The following UBA6 variants were observed in gnomAD, a reference collection of about 807,000 sequenced individuals.
UBA6 encodes the protein ubiquitin-like modifier-activating enzyme 6.
Under a neutral mutation model 148.3 loss-of-function variants are expected in UBA6, and 87 were observed. That is an observed-to-expected ratio of 0.59 (90% CI 0.49 to 0.70). The LOEUF is 0.70. Ranked by LOEUF, UBA6 falls within the 30% of genes least tolerant of loss-of-function variation. The pLI is 0.00. For missense variants in UBA6, 1,186 were observed against 1,241.2 expected (o/e 0.96, Z 0.67); for synonymous variants, 376 against 401.0 (o/e 0.94, Z 0.75).
intron 13 of UBA6, among the ~76,000 whole-genome samples, chr4:67,652,706 C>T (rs1353675923): frequency 2.6e-5 from 4 of 152,178 alleles, no homozygotes; most frequent in South Asian, 4.1e-4. Context: ...GAGGGCGAGC[C>T]GAAGCAGGGC....
At chr4:67,640,559 C>T (rs1729281123) in intron 18 of UBA6, among the ~76,000 whole-genome samples, 2 of 152,122 alleles carry the variant, frequency 1.3e-5, no homozygotes. Flanking sequence ...AGCAATCCTC[C>T]TGTGTTGGCC....
At chr4:67,620,015 G>A (rs797010521) in intron 32 of UBA6, among the ~76,000 whole-genome samples, 42 of 152,180 alleles carry the variant, frequency 2.8e-4, no homozygotes, top group African/African-American at 9.6e-4. Context: ...CTTCATGCCA[G>A]GCTCTGAACT....
At chr4:67,700,486 A>T (rs1195241616) in intron 1 of UBA6, among the ~76,000 whole-genome samples, 1 of 152,002 alleles carries the variant, frequency 6.6e-6, no homozygotes, top group Non-Finnish European at 1.5e-5. Context: ...TTCAAAACCA[A>T]GTGGGAAATA....
chr4:67,623,318 A>G, intron 30 of UBA6, 96 bp from the exon 31 acceptor site: 1 of 789,760 alleles, frequency 1.3e-6, no homozygotes, highest in South Asian at 1.6e-5. Flanking sequence ...GAAGTCCATT[A>G]TTTGTGATCA....
chr4:67,620,131 A>G (rs1048970144), intron 32 of UBA6, among the ~76,000 whole-genome samples: 3 of 148,564 alleles, frequency 2.0e-5, no homozygotes, highest in African/African-American at 7.9e-5. Flanking sequence ...CTCATACTTG[A>G]GTCATTCCAA....
rs1326235277 is a variant in UBA6 at position 67,677,665 on chromosome 4, T to C, written c.411A>G (p.Ser137=). 2 of 1,608,654 alleles carry C rather than the reference T, an allele frequency of 1.2e-6. No homozygotes were observed. Among genetic ancestry groups the C allele is most frequent in the Non-Finnish European group, 1.7e-6 (2 of 1,175,950 alleles). The change falls in exon 6 of 33, where the codon TCA becomes TCG. Residue 137 remains serine (S), a synonymous_variant. Coordinates refer to ENST00000322244, the MANE Select transcript of UBA6 (RefSeq NM_018227.6). ...AELNPYVHVT[S]SSVPFNETTD... is the part of the protein sequence containing the mutation. ...TGGTCTCATTGAAAGGAACAGAAGA[T>C]GATGTGACATGAACGTATGGATTTA... is the stretch of plus-strand genomic sequence containing the variant.
intron 2 of UBA6, among the ~76,000 whole-genome samples, chr4:67,694,165 G>A (rs1730768450): frequency 8.0e-6 from 1 of 125,474 alleles, no homozygotes; most frequent in Non-Finnish European, 1.6e-5. Context: ...GCCATGAGCC[G>A]AGATCGCGCC....
chr4:67,631,819 A>T lies in UBA6; in HGVS notation c.2194+38T>A, dbSNP rs568939649. On this transcript the variant is annotated intron_variant, in intron 24 of 32. Coordinates refer to ENST00000322244, the MANE Select transcript of UBA6 (RefSeq NM_018227.6). ...ATTTTCAATGTATGTAGCCAGTAAT[A>T]AATGTCATTAAAATTTATTCTCAAC... 5 of 1,610,298 alleles carry T rather than the reference A, an allele frequency of 3.1e-6. No homozygotes were observed. In the East Asian group the frequency reaches 1.1e-4, roughly 36 times the overall value.
At position 67,644,693 on chromosome 4, in the gene UBA6, C is replaced by G. The variant is rs755207399; in HGVS notation, c.1476+5G>C. The stretch of plus-strand genomic sequence containing the variant: ...ACTTTTAACTCTCAAGAATTGATAT[C>G]TTACCATTCCTTTCTCTTTGCTTGT... On this transcript the variant is annotated splice_donor_5th_base_variant and intron_variant, in intron 17 of 32. Coordinates refer to ENST00000322244, the MANE Select transcript of UBA6 (RefSeq NM_018227.6). 13 of 1,547,832 alleles carry G rather than the reference C, an allele frequency of 8.4e-6. No homozygotes were observed. The highest frequency in any genetic ancestry group is 1.2e-5 in the Non-Finnish European group (13 of 1,120,100).
At chr4:67,680,409 ACAGG>A (rs1236072105) in intron 4 of UBA6, among the ~76,000 whole-genome samples, 1 of 152,204 alleles carries the variant, frequency 6.6e-6, no homozygotes, top group Non-Finnish European at 1.5e-5. Context: ...CTACCAGTTT[ACAGG>A]AAATACACAT....
At chr4:67,688,462 T>TA (rs1298525451) in intron 2 of UBA6, among the ~76,000 whole-genome samples, 5 of 151,842 alleles carry the variant, frequency 3.3e-5, no homozygotes, top group South Asian at 2.1e-4. Flanking sequence ...TCAGAGGTAG[T>TA]AAAAAAATAA....
intron 1 of UBA6, among the ~76,000 whole-genome samples, chr4:67,700,005 C>T (rs527447163): frequency 4.6e-5 from 7 of 152,300 alleles, no homozygotes; most frequent in Non-Finnish European, 1.0e-4. Flanking sequence ...GTGGGTAAAT[C>T]TGAATAAAAA....
intron 4 of UBA6, among the ~76,000 whole-genome samples, chr4:67,681,260 G>C (rs1216162102): frequency 1.3e-5 from 2 of 152,086 alleles, no homozygotes; most frequent in Non-Finnish European, 2.9e-5. Context: ...AATATTTAAG[G>C]ATGATATAAT....
intron 9 of UBA6, among the ~76,000 whole-genome samples, chr4:67,665,823 A>C (rs1729982813): frequency 6.6e-6 from 1 of 152,142 alleles, no homozygotes; most frequent in Admixed American, 6.5e-5. Flanking sequence ...TTTAGGTTTC[A>C]AAAAAGATGC....
chr4:67,670,481 T>C lies in UBA6; in HGVS notation c.658A>G (p.Asn220Asp), dbSNP rs1730117870. ...GEEPKEIFIS[N>D]ITQANPGIVT... ...TAATATAATCATACTTGCGTTATGT[T>C]TGAAATGAAAATTTCTTTTGGTTCT... Residue 220 changes from asparagine (N) to aspartate (D), a missense_variant, in exon 8 of 33, where the codon AAC (asparagine) becomes GAC (aspartate). Transcript: ENST00000322244. 2.5e-6 allele frequency: 4 copies of C among 1,573,484 alleles called. No individual in the cohort carries two copies. The highest frequency in any genetic ancestry group is 3.5e-6 in the Non-Finnish European group (4 of 1,145,824).
chr4:67,614,549 TCTC>T lies in UBA6; in HGVS notation c.*4445_*4447del, dbSNP rs2109886927. 1 of 152,182 alleles carries T rather than the reference TCTC, an allele frequency of 6.6e-6. No individual in the cohort carries two copies. The highest frequency in any genetic ancestry group is 1.5e-5 in the Non-Finnish European group (1 of 67,982). 9.4% of individuals were successfully genotyped at this position (152,182 alleles called of 1,614,324 possible). ...TTTTTCAATAAACGGTAGTGAGGCA[TCTC>T]CTAGCATACACCAAATTAATTCCTC... On this transcript the variant is annotated 3_prime_UTR_variant, in exon 33 of 33. Coordinates refer to ENST00000322244, the MANE Select transcript of UBA6 (RefSeq NM_018227.6).
In UBA6 at chr4:67,626,487, T is replaced by A. The variant is rs370668879; in HGVS notation, c.2401-10A>T. 3.3e-6 allele frequency: 5 copies of A among 1,510,038 alleles called. No individual in the cohort carries two copies. In the African/African-American group the frequency reaches 6.9e-5, roughly 21 times the overall value. 93.5% of individuals were successfully genotyped at this position (1,510,038 alleles called of 1,614,324 possible). On this transcript the variant is annotated splice_polypyrimidine_tract_variant and intron_variant, in intron 27 of 32. Transcript: ENST00000322244. ...CATCTGTTTGAACAACCTTTGAATA[T>A]ATGAATATATTTTTATTAATGTTAT...
intron 17 of UBA6, 68 bp from the exon 18 acceptor site, chr4:67,641,296 T>A (rs540766057): frequency 1.3e-5 from 13 of 996,202 alleles, no homozygotes; most frequent in Non-Finnish European, 1.8e-5. Flanking sequence ...CTTTTCTCAG[T>A]ATGACTAAAA....
intron 17 of UBA6, 102 bp from the exon 18 acceptor site, chr4:67,641,330 T>C (rs1237065203): frequency 7.1e-6 from 5 of 701,198 alleles, no homozygotes; most frequent in Non-Finnish European, 1.2e-5. Flanking sequence ...TTATTCTAAA[T>C]TAGTCTGGTT....
Sources: gnomAD v4.1 joint callset for allele counts (sites outside exome capture counted in the v4.1 genomes callset) on GRCh38, gnomAD v4.1.1 for gene constraint, MANE v1.5 for transcripts, NCBI Gene and HGNC (gene_info 2026-07-23, HGNC 2026-07-21) for gene names.